SCUBE1: variants seen among roughly 807,000 people sequenced by gnomAD.
SCUBE1 encodes signal peptide, CUB domain and EGF like domain containing 1.
Under a neutral mutation model 124.4 loss-of-function variants are expected in SCUBE1, and 59 were observed. The ratio of observed to expected loss-of-function variants is 0.47; its 90% CI spans 0.38 to 0.59. The LOEUF is 0.59. Ranked by LOEUF, SCUBE1 falls within the 20% of genes least tolerant of loss-of-function variation. The pLI is 0.00. For missense variants in SCUBE1, 1,150 were observed against 1,371.2 expected (o/e 0.84, Z 2.55); for synonymous variants, 545 against 550.9 (o/e 0.99, Z 0.15).
intron 1 of SCUBE1, among the ~76,000 whole-genome samples, chr22:43,342,692 C>T (rs1485670732): frequency 6.6e-6 from 1 of 151,970 alleles, no homozygotes; most frequent in Non-Finnish European, 1.5e-5. Flanking sequence ...TTCCTTTTGT[C>T]TGCTCCCTCG....
rs950558605 is a variant in SCUBE1 at position 43,234,623 on chromosome 22, G to A, written c.845-2748C>T. The stretch of plus-strand genomic sequence containing the variant: ...CACACTACCTCAGGATATAGTGAAG[G>A]GGGTGCTGGGCTCATGGCCCCTGGG... On this transcript the variant is annotated intron_variant, in intron 7 of 21. Transcript: ENST00000360835. This position sits in a 1 kb window ranked among gnomAD's most constrained non-coding sequence, Gnocchi z 4.4. Among the ~76,000 whole-genome samples, 1 of 152,182 alleles carries A rather than the reference G, an allele frequency of 6.6e-6. No individual in the cohort carries two copies. The highest frequency in any genetic ancestry group is 2.1e-4 in the South Asian group (1 of 4,828).
At chr22:43,338,248 C>T (rs903229602) in intron 2 of SCUBE1, among the ~76,000 whole-genome samples, 9 of 152,192 alleles carry the variant, frequency 5.9e-5, no homozygotes, top group African/African-American at 2.2e-4. Flanking sequence ...TTCTCTCTAA[C>T]TTTTAGCCTG....
In SCUBE1 at chr22:43,229,122, T is replaced by G; in HGVS notation, c.1034A>C (p.Gln345Pro). ...GATGTAGCCGCGGTGACACAGGCAC[T>G]GGAAGCTGCCCGGGGAGTTGATGCA... ...HICINSPGSF[Q>P]CLCHRGYILY... Residue 345 changes from glutamine to proline, a missense_variant, in exon 9 of 22, where the codon CAG becomes CCG. Physicochemically the swap from Gln to Pro is moderately conservative, Grantham distance 76 (BLOSUM62 -1). Coordinates refer to ENST00000360835, the MANE Select transcript of SCUBE1 (RefSeq NM_173050.5). 1 of 1,613,880 alleles carries G rather than the reference T, an allele frequency of 6.2e-7. No individual in the cohort carries two copies.
intron 3 of SCUBE1, among the ~76,000 whole-genome samples, chr22:43,318,764 T>C (rs1926439249): frequency 6.6e-6 from 1 of 152,202 alleles, no homozygotes; most frequent in Admixed American, 6.5e-5. Flanking sequence ...AGTTTCACTC[T>C]TGTCGCCCGG....
chr22:43,231,099 C>T (rs1488526472), intron 8 of SCUBE1, among the ~76,000 whole-genome samples: 1 of 152,210 alleles, frequency 6.6e-6, no homozygotes, highest in Non-Finnish European at 1.5e-5. Flanking sequence ...TGGCCTCATC[C>T]GGCCCCACCA....
At chr22:43,267,183 C>T (rs544413933) in intron 4 of SCUBE1, among the ~76,000 whole-genome samples, 1 of 152,260 alleles carries the variant, frequency 6.6e-6, no homozygotes, top group Non-Finnish European at 1.5e-5. Flanking sequence ...GTGGGTAACC[C>T]GTTGGGGAGA....
chr22:43,283,302 T>G (rs999412407), intron 4 of SCUBE1: 1 of 152,208 alleles, frequency 6.6e-6, no homozygotes, highest in Admixed American at 6.5e-5. Flanking sequence ...CCCAGACCAC[T>G]GGGTTCCAGT....
intron 4 of SCUBE1, among the ~76,000 whole-genome samples, chr22:43,281,469 TCCTGTCACCTCCCTCTTTGGC>T (rs1924863136): frequency 1.7e-4 from 15 of 90,596 alleles, no homozygotes; most frequent in Admixed American, 5.4e-4. Context: ...TCAGCCACCC[TCCTGTCACCTCCCTCTTTGGC>T]CACCCTCCTG....
chr22:43,221,374 T>G, intron 12 of SCUBE1, 85 bp from the exon 13 acceptor site: 11 of 648,244 alleles, frequency 1.7e-5, no homozygotes, highest in Non-Finnish European at 2.2e-5. Context: ...AGGGGACAAA[T>G]CCATCTGGAG....
intron 3 of SCUBE1, among the ~76,000 whole-genome samples, chr22:43,294,686 G>A (rs572465791): frequency 9.4e-4 from 143 of 152,314 alleles, no homozygotes; most frequent in Middle Eastern, 3.4e-3. Flanking sequence ...TTGAGGGATT[G>A]CAGACTGCGT....
At position 43,220,718 on chromosome 22, in the gene SCUBE1, G is replaced by C. The variant is rs1466085592; in HGVS notation, c.1550-131C>G. ...GGTGCAGACGGAAAAACTCAGGCTAGAGAAGGTCAGGGCTGGCTCGGGGTC... is the reference window on the plus strand; with the variant it reads ...GGTGCAGACGGAAAAACTCAGGCTACAGAAGGTCAGGGCTGGCTCGGGGTC... On this transcript the variant is annotated intron_variant, in intron 13 of 21. Coordinates refer to ENST00000360835, the MANE Select transcript of SCUBE1 (RefSeq NM_173050.5). The C allele has an allele frequency of 9.1e-6, 11 of 1,214,230 alleles. No individual in the cohort carries two copies. In the East Asian group the frequency reaches 2.3e-4, roughly 25 times the overall value. The allele number at this position is 1,214,230 out of a possible 1,614,324, so 75.2% of individuals were successfully genotyped here.
chr22:43,210,067 C>T lies in SCUBE1; in HGVS notation c.2557G>A (p.Asp853Asn), dbSNP rs758646314. The T allele has an allele frequency of 3.1e-6, 5 of 1,611,726 alleles. No homozygotes were observed. Among genetic ancestry groups the T allele is most frequent in the East Asian group, 2.2e-5 (1 of 44,784 alleles). ...IFLPIEDECG[D>N]VLVMRKSASP... ...CCACTCTTCCTCATGACCAGAACAT[C>T]GCCGCACTCATCCTCGATGGGCAGG... The change falls in exon 19 of 22, where the codon GAT becomes AAT. Residue 853 changes from aspartate (D) to asparagine (N), a missense_variant. Around this residue, in one of 3 missense-constraint regions of SCUBE1, gnomAD observed 757 missense variants for 840.9 expected, o/e 0.90. Coordinates refer to ENST00000360835, the MANE Select transcript of SCUBE1 (RefSeq NM_173050.5). The surrounding 1 kb of genome is among the most constrained non-coding windows in gnomAD (Gnocchi z 4.5).
Position 43,210,061 on chromosome 22 carries a change from G to T in SCUBE1, c.2563C>A (p.Leu855Met). ...LPIEDECGDVLVMRKSASPTS... is the reference protein window; with the variant it reads ...LPIEDECGDVMVMRKSASPTS... ...AACATACCACTCTTCCTCATGACCA[G>T]AACATCGCCGCACTCATCCTCGATG... The change falls in exon 19 of 22, where the codon CTG (leucine) becomes ATG (methionine). Residue 855 changes from leucine (L) to methionine (M), a missense_variant. Transcript: ENST00000360835. This position sits in a 1 kb window ranked among gnomAD's most constrained non-coding sequence, Gnocchi z 4.5. 2 of 1,609,682 alleles carry T rather than the reference G, an allele frequency of 1.2e-6. No individual in the cohort carries two copies. The highest frequency in any genetic ancestry group is 1.7e-6 in the Non-Finnish European group (2 of 1,178,058).
Position 43,210,229 on chromosome 22 carries a change from C to T in SCUBE1, c.2395G>A (p.Gly799Ser), listed in dbSNP as rs766142459. 10 of 1,554,696 alleles carry T rather than the reference C, an allele frequency of 6.4e-6. No homozygotes were observed. The highest frequency in any genetic ancestry group is 5.4e-5 in the African/African-American group (4 of 73,752). Residue 799 changes from glycine to serine, a missense_variant, in exon 19 of 22, where the codon GGC becomes AGC. Gly to Ser is a moderately conservative substitution (Grantham distance 56). Around this residue, in one of 3 missense-constraint regions of SCUBE1, gnomAD observed 757 missense variants for 840.9 expected, o/e 0.90. Coordinates refer to ENST00000360835, the MANE Select transcript of SCUBE1 (RefSeq NM_173050.5). This position sits in a 1 kb window ranked among gnomAD's most constrained non-coding sequence, Gnocchi z 4.5. ...NVTHCKNQHCGGELGDYTGYI... is the reference protein window; with the variant it reads ...NVTHCKNQHCSGELGDYTGYI... ...CCGGTGTAGTCACCAAGCTCGCCGC[C>T]GCAGTGCTGGTCTGTGGGCACAGTG...
intron 13 of SCUBE1, among the ~76,000 whole-genome samples, chr22:43,220,829 T>C (rs1827521561): frequency 6.6e-6 from 1 of 152,158 alleles, no homozygotes; most frequent in African/African-American, 2.4e-5. Context: ...TATTCATGAA[T>C]GAGGCTGTGC....
rs757126499 is a variant in SCUBE1 at position 43,339,218 on chromosome 22, C to T, written c.106G>A (p.Glu36Lys). Residue 36 changes from glutamate to lysine, a missense_variant, in exon 2 of 22, where the codon GAG (glutamate) becomes AAG (lysine). Around this residue, in one of 3 missense-constraint regions of SCUBE1, gnomAD observed 56 missense variants for 48.1 expected, o/e 1.16. Coordinates refer to ENST00000360835, the MANE Select transcript of SCUBE1 (RefSeq NM_173050.5). ...SGLPGSVDVD[E>K]CSEGTDDCHI... ...CAGTCATCTGTGCCCTCTGAGCACT[C>T]ATCCACGTCGACTGACCCTGTGGGT... The T allele has an allele frequency of 6.2e-7, 1 of 1,613,656 alleles. No individual in the cohort carries two copies. The highest frequency in any genetic ancestry group is 1.3e-5 in the African/African-American group (1 of 75,024).
At chr22:43,304,802 C>A (rs917542595) in intron 3 of SCUBE1, among the ~76,000 whole-genome samples, 16 of 152,288 alleles carry the variant, frequency 1.1e-4, no homozygotes, top group African/African-American at 2.6e-4. Flanking sequence ...CTCCACCCCC[C>A]GCAGGGGACC....
At chr22:43,262,876 G>A (rs111899981) in intron 4 of SCUBE1, 31 bp from the exon 5 acceptor site, 1 of 1,597,548 alleles carries the variant, frequency 6.3e-7, no homozygotes, top group African/African-American at 1.3e-5. Context: ...GAGACGGGTT[G>A]AAGACCAGGC....
intron 12 of SCUBE1, 38 bp downstream of exon 12, chr22:43,222,600 C>T (rs1240443093): frequency 2.1e-6 from 3 of 1,450,780 alleles, no homozygotes; most frequent in Non-Finnish European, 2.8e-6. Context: ...AGTCAAGTCA[C>T]CCAGTGGCAT....
Sources: allele counts gnomAD v4.1 joint callset (sites outside exome capture counted in the v4.1 genomes callset), GRCh38; gene constraint gnomAD v4.1.1; regional missense constraint gnomAD v4.1.1; non-coding constraint Gnocchi (gnomAD v3.1); transcripts MANE v1.5; gene names NCBI Gene and HGNC (gene_info 2026-07-23, HGNC 2026-07-21).